DMD: variants seen among roughly 807,000 people sequenced by gnomAD.
DMD encodes mutant dystrophin.
Under a neutral mutation model 330.1 loss-of-function variants are expected in DMD, and 63 were observed. That is an observed-to-expected ratio of 0.19 (90% CI 0.16 to 0.24). DMD has a LOEUF of 0.24. Ranked by LOEUF, DMD falls within the 10% of genes least tolerant of loss-of-function variation. The pLI, the probability that DMD is intolerant of heterozygous loss-of-function variation, is 1.00. For missense variants in DMD, 3,344 were observed against 2,684.1 expected (o/e 1.25, Z -5.43); for synonymous variants, 1,223 against 959.8 (o/e 1.27, Z -5.07).
chrX:33,251,387 G>C (rs1165095050), intron 1 of DMD, among the ~76,000 whole-genome samples: 1 of 110,949 alleles, frequency 9.0e-6, no homozygotes, highest in African/African-American at 3.3e-5. Flanking sequence ...AATTCCATTC[G>C]GGTATCAAGG....
intron 53 of DMD, among the ~76,000 whole-genome samples, chrX:31,671,166 C>T (rs2148688789): frequency 1.8e-5 from 2 of 112,088 alleles, no homozygotes; most frequent in South Asian, 7.4e-4. Flanking sequence ...ACTGCCTCGG[C>T]CTCCCAAAGT....
intron 43 of DMD, among the ~76,000 whole-genome samples, chrX:32,252,063 G>A (rs773588077): frequency 3.6e-5 from 4 of 111,791 alleles, no homozygotes; most frequent in Non-Finnish European, 7.5e-5. Flanking sequence ...GTTTTCCGTT[G>A]CACTTAGATA....
intron 53 of DMD, among the ~76,000 whole-genome samples, chrX:31,665,091 G>C (rs989650376): frequency 8.9e-6 from 1 of 111,732 alleles, no homozygotes; most frequent in Admixed American, 9.6e-5. Flanking sequence ...GTCAGTGAAA[G>C]AGTCATCATA....
intron 55 of DMD, among the ~76,000 whole-genome samples, chrX:31,617,534 CA>C (rs749572753): frequency 9.6e-3 from 308 of 31,988 alleles, no homozygotes; most frequent in Middle Eastern, 0.02. Flanking sequence ...GACTTCGTCT[CA>C]AAAAAAAAAA....
chrX:32,407,572 T>A (rs1257759857), intron 30 of DMD, among the ~76,000 whole-genome samples: 1 of 110,994 alleles, frequency 9.0e-6, no homozygotes, highest in Non-Finnish European at 1.9e-5. Flanking sequence ...TGGCGATTCC[T>A]CAGGGATCTA....
At chrX:32,815,540 T>C (rs1378320681) in intron 6 of DMD, among the ~76,000 whole-genome samples, 33 of 76,363 alleles carry the variant, frequency 4.3e-4, no homozygotes, top group African/African-American at 1.5e-3. Context: ...CACACACATA[T>C]ATATACATAT....
intron 45 of DMD, among the ~76,000 whole-genome samples, chrX:31,934,757 G>A (rs983204118): frequency 9.0e-6 from 1 of 111,602 alleles, no homozygotes; most frequent in Non-Finnish European, 1.9e-5. Context: ...TCTGGAGCTC[G>A]GGGAGAGAGG....
At position 33,095,416 on chromosome X, in the gene DMD, T is replaced by G. The variant is rs943214300; in HGVS notation, c.32-75216A>C. Among the ~76,000 whole-genome samples, 7 of 112,216 alleles carry G rather than the reference T, an allele frequency of 6.2e-5. 1 individual carries two copies. Among genetic ancestry groups the G allele is most frequent in the African/African-American group, 2.3e-4 (7 of 30,923 alleles). On this transcript the variant is annotated intron_variant, in intron 1 of 78. Transcript: ENST00000357033. ...CACTCAACATATTAAAACAATCTTT[T>G]TATGTCCCTTGTTATGGTTTTATCA...
chrX:31,871,363 A>G (rs141248627), intron 48 of DMD, among the ~76,000 whole-genome samples: 4 of 111,539 alleles, frequency 3.6e-5, no homozygotes, highest in Admixed American at 1.9e-4. Context: ...ACTCCAGCAT[A>G]AACAATGTAT....
At chrX:31,322,643 T>G (rs906761737) in intron 62 of DMD, among the ~76,000 whole-genome samples, 1 of 112,046 alleles carries the variant, frequency 8.9e-6, no homozygotes, top group South Asian at 3.7e-4. Context: ...TTGAGGACTG[T>G]AGTAATGAAG....
At chrX:32,468,150 T>C (rs1157878609) in intron 23 of DMD, among the ~76,000 whole-genome samples, 1 of 110,718 alleles carries the variant, frequency 9.0e-6, no homozygotes, top group Non-Finnish European at 1.9e-5. Context: ...TATATATACA[T>C]AACTTTTTTC....
chrX:31,219,360 G>GA (rs1192448465), intron 64 of DMD, among the ~76,000 whole-genome samples: 1 of 111,197 alleles, frequency 9.0e-6, no homozygotes, highest in Non-Finnish European at 1.9e-5. Flanking sequence ...GAGCTACCGT[G>GA]AAACACTCAG....
intron 17 of DMD, among the ~76,000 whole-genome samples, chrX:32,530,383 A>G (rs1176908060): frequency 8.9e-6 from 1 of 112,345 alleles, no homozygotes; most frequent in East Asian, 2.8e-4. Flanking sequence ...TTCTCTGCAC[A>G]AAGTAAAACT....
At position 31,844,388 on chromosome X, in the gene DMD, C is replaced by G. The variant is rs375725035; in HGVS notation, c.7099-7569G>C. On this transcript the variant is annotated intron_variant, in intron 48 of 78. Coordinates refer to ENST00000357033, the MANE Select transcript of DMD (RefSeq NM_004006.3). ...GAGTTCTCTATTCTGTTCTACTGGT[C>G]CAAGTTTCTGTTTTTGTAGAAGTCC... is the stretch of plus-strand genomic sequence containing the variant. Among the ~76,000 whole-genome samples the G allele has an allele frequency of 3.4e-4, 37 of 108,095 alleles. No individual in the cohort carries two copies. The South Asian group carries it at 0.015, about 44-fold the overall frequency. The allele number at this position is 108,095 out of a possible 115,157, so 93.9% of individuals were successfully genotyped here.
intron 44 of DMD, among the ~76,000 whole-genome samples, chrX:32,159,136 T>C (rs1366081169): frequency 1.8e-5 from 2 of 112,179 alleles, no homozygotes; most frequent in African/African-American, 6.5e-5. Context: ...ATACTCCCAA[T>C]GAAATCCAAC....
intron 74 of DMD, among the ~76,000 whole-genome samples, chrX:31,159,972 T>C (rs1249004776): frequency 2.7e-5 from 3 of 112,220 alleles, no homozygotes; most frequent in African/African-American, 9.7e-5. Context: ...GAGGGAGAAA[T>C]ATCTTCCCAT....
At chrX:32,777,943 A>C (rs1386418591) in intron 7 of DMD, among the ~76,000 whole-genome samples, 1 of 112,315 alleles carries the variant, frequency 8.9e-6, no homozygotes, top group Admixed American at 9.4e-5. Context: ...ATACCCATGC[A>C]CATGAGCACA....
intron 60 of DMD, among the ~76,000 whole-genome samples, chrX:31,380,424 C>A (rs779378333): frequency 9.1e-6 from 1 of 109,795 alleles, no homozygotes; most frequent in Admixed American, 9.8e-5. Context: ...CCCTCCTTAG[C>A]GACCAATCAT....
At position 32,571,699 on chromosome X, in the gene DMD, A is replaced by T. The variant is rs946357028; in HGVS notation, c.1812+1831T>A. ...AGACATTTTACACGGAATATATCCA[A>T]ATCTGAAATAATTATCATTTTTGTC... On this transcript the variant is annotated intron_variant, in intron 15 of 78. Transcript: ENST00000357033. 2.7e-5 allele frequency among the ~76,000 whole-genome samples: 3 copies of T among 111,970 alleles called. No homozygotes were observed. In the Admixed American group the frequency reaches 2.9e-4, roughly 11 times the overall value.
Sources: gnomAD v4.1 joint callset for allele counts (sites outside exome capture counted in the v4.1 genomes callset) on GRCh38, gnomAD v4.1.1 for gene constraint, MANE v1.5 for transcripts, NCBI Gene and HGNC (gene_info 2026-07-23, HGNC 2026-07-21) for gene names.